The following NAA30 variants were observed in gnomAD, a reference collection of about 807,000 sequenced individuals.
The protein encoded by NAA30 is N-alpha-acetyltransferase 30.
Under a neutral mutation model 31.4 loss-of-function variants are expected in NAA30, and 5 were observed. The ratio of observed to expected loss-of-function variants is 0.16; its 90% CI spans 0.08 to 0.33. The LOEUF (loss-of-function observed/expected upper bound fraction) is 0.33. Among genes scored for constraint, NAA30 ranks in the 10% least tolerant of loss-of-function variants. The probability of loss-of-function intolerance (pLI) is 1.00; values close to 1 mark genes in which losing one functional copy is unlikely to be tolerated. For synonymous variants in NAA30, 222 were observed against 207.1 expected, an observed-to-expected ratio of 1.07 and a Z score of -0.62; for missense variants, 428 against 490.8, an observed-to-expected ratio of 0.87 and a Z score of 1.21.
rs1464830557 is a variant in NAA30 at position 57,412,990 on chromosome 14, T to C, written c.*3474T>C. ...ACTCAGTCAACTCATATGTCAGTTA[T>C]CGGTACATTTTCCATGTGTTCAGTC... On this transcript the variant is annotated 3_prime_UTR_variant, in exon 5 of 5. Coordinates refer to ENST00000556492, the MANE Select transcript of NAA30 (RefSeq NM_001011713.3). 2 of 152,240 alleles carry C rather than the reference T, an allele frequency of 1.3e-5. No homozygotes were observed. The highest frequency in any genetic ancestry group is 2.1e-4 in the South Asian group (1 of 4,836). 9.4% of individuals were successfully genotyped at this position (152,240 alleles called of 1,614,324 possible).
rs964931379 is a variant in NAA30, at chr14:57,410,917, CTGT to C, written c.*1409_*1411del. 5 of 152,462 alleles carry C rather than the reference CTGT, an allele frequency of 3.3e-5. No homozygotes were observed. The highest frequency in any genetic ancestry group is 7.4e-5 in the Non-Finnish European group (5 of 67,970). 9.4% of individuals were successfully genotyped at this position (152,462 alleles called of 1,614,324 possible). On this transcript the variant is annotated 3_prime_UTR_variant, in exon 5 of 5. Transcript: ENST00000556492. The stretch of plus-strand genomic sequence containing the variant: ...CATTCTCTGTGAAAACTGTAGGAAT[CTGT>C]TGTTGTTTTCATTTGAATATGCTCT...
rs1028471230 is a variant in NAA30, at chr14:57,414,656, T to G, written c.*5140T>G. The G allele has an allele frequency of 6.6e-6, 1 of 152,264 alleles. No homozygotes were observed. Among genetic ancestry groups the G allele is most frequent in the African/African-American group, 2.4e-5 (1 of 41,472 alleles). The allele number at this position is 152,264 out of a possible 1,614,324, so 9.4% of individuals were successfully genotyped here. On this transcript the variant is annotated 3_prime_UTR_variant, in exon 5 of 5. Transcript: ENST00000556492. ...TGAGGCCAAAGGCCAATGTTACTTC[T>G]AGAAGAACCAGATTAATTTTTCTGC... is the stretch of plus-strand genomic sequence containing the variant.
Position 57,409,493 on chromosome 14 carries a change from C to A in NAA30, c.1066C>A (p.Arg356=). ...RYYLNGVDAL[R]LKLWLR is the part of the protein sequence containing the mutation. ...CTATTTAAATGGAGTTGATGCACTGCGACTTAAACTGTGGCTGCGTTGAGA... is the reference window on the plus strand; with the variant it reads ...CTATTTAAATGGAGTTGATGCACTGAGACTTAAACTGTGGCTGCGTTGAGA... The change falls in exon 5 of 5, where the codon CGA becomes AGA. Residue 356 remains arginine (R), a synonymous_variant. Coordinates refer to ENST00000556492, the MANE Select transcript of NAA30 (RefSeq NM_001011713.3). The A allele has an allele frequency of 3.1e-6, 5 of 1,602,328 alleles. No homozygotes were observed. Among genetic ancestry groups the A allele is most frequent in the Non-Finnish European group, 3.4e-6 (4 of 1,175,950 alleles).
chr14:57,402,664 AC>A (rs1383230027), intron 4 of NAA30, among the ~76,000 whole-genome samples: 1 of 152,244 alleles, frequency 6.6e-6, no homozygotes, highest in Non-Finnish European at 1.5e-5. Flanking sequence ...CTCCAAAAAT[AC>A]AGCGATTAAT....
At chr14:57,398,837 A>C (rs145663190) in intron 3 of NAA30, among the ~76,000 whole-genome samples, 152 of 152,176 alleles carry the variant, frequency 1.0e-3, no homozygotes, top group African/African-American at 3.3e-3. Context: ...GGGTTTCGTC[A>C]TGTTGGCCAG....
At chr14:57,394,684 G>T (rs1303281758) in intron 2 of NAA30, among the ~76,000 whole-genome samples, 4 of 152,154 alleles carry the variant, frequency 2.6e-5, no homozygotes, top group African/African-American at 9.6e-5. Flanking sequence ...GAAGAAATCA[G>T]GTCTTAAGAA....
In NAA30 at chr14:57,413,479, C is replaced by G. The variant is rs1464097923; in HGVS notation, c.*3963C>G. On this transcript the variant is annotated 3_prime_UTR_variant, in exon 5 of 5. Transcript: ENST00000556492. ...CCAGTAAACACAGATCAGTATTAAC[C>G]TGTAGCCCAGAGGTGTTAGATTTAT... 6.6e-6 allele frequency: 1 copy of G among 152,166 alleles called. No individual in the cohort carries two copies. The highest frequency in any genetic ancestry group is 2.4e-5 in the African/African-American group (1 of 41,438). The allele number at this position is 152,166 out of a possible 1,614,324, so 9.4% of individuals were successfully genotyped here.
At chr14:57,398,800 C>A (rs769021833) in intron 3 of NAA30, among the ~76,000 whole-genome samples, 2 of 152,018 alleles carry the variant, frequency 1.3e-5, no homozygotes, top group Non-Finnish European at 2.9e-5. Context: ...TAATGCCTGG[C>A]TAATTTTTTA....
intron 4 of NAA30, among the ~76,000 whole-genome samples, chr14:57,406,201 A>G (rs1161568068): frequency 6.6e-6 from 1 of 152,170 alleles, no homozygotes; most frequent in Non-Finnish European, 1.5e-5. Flanking sequence ...ACTTTTTTCT[A>G]TGTAATTGAG....
chr14:57,398,529 C>T (rs1379720037), intron 3 of NAA30, among the ~76,000 whole-genome samples: 1 of 152,160 alleles, frequency 6.6e-6, no homozygotes, highest in Non-Finnish European at 1.5e-5. Flanking sequence ...GTGATCCCGG[C>T]TCACTGCAAC....
intron 3 of NAA30, among the ~76,000 whole-genome samples, chr14:57,397,198 C>T (rs2066454388): frequency 1.3e-5 from 2 of 152,192 alleles, no homozygotes; most frequent in Admixed American, 6.5e-5. Context: ...TTTATAATTA[C>T]ATTATGATGG....
At position 57,390,916 on chromosome 14, in the gene NAA30, C is replaced by A. The variant is rs201763961; in HGVS notation, c.-1-41C>A. Reference sequence around the variant, plus strand: ...CCCCCTGTTCTCCGCGCTCCTCGGCCGGGTTTCATGGCCTCCCCTCTCGGT... The same window carrying A: ...CCCCCTGTTCTCCGCGCTCCTCGGCAGGGTTTCATGGCCTCCCCTCTCGGT... On this transcript the variant is annotated intron_variant, in intron 1 of 4. Transcript: ENST00000556492. The A allele has an allele frequency of 2.8e-6, 4 of 1,452,890 alleles. No individual in the cohort carries two copies. The East Asian group carries it at 1.0e-4, about 38-fold the overall frequency. 90.0% of individuals were successfully genotyped at this position (1,452,890 alleles called of 1,614,324 possible).
chr14:57,393,480 T>C (rs2066438336), intron 2 of NAA30, among the ~76,000 whole-genome samples: 1 of 152,200 alleles, frequency 6.6e-6, no homozygotes, highest in Admixed American at 6.5e-5. Flanking sequence ...AACCAGGCCA[T>C]TTAAAACTGA....
At chr14:57,392,905 C>T (rs1032818541) in intron 2 of NAA30, among the ~76,000 whole-genome samples, 1 of 152,190 alleles carries the variant, frequency 6.6e-6, no homozygotes, top group Non-Finnish European at 1.5e-5. Flanking sequence ...CTTGCTTAAA[C>T]TTCAATTCAG....
At chr14:57,404,514 A>G (rs1420477148) in intron 4 of NAA30, among the ~76,000 whole-genome samples, 2 of 152,216 alleles carry the variant, frequency 1.3e-5, no homozygotes, top group Non-Finnish European at 2.9e-5. Flanking sequence ...GAAAAACCGT[A>G]ATGAACATTA....
In NAA30 at chr14:57,411,696, A is replaced by T. The variant is rs1019247307; in HGVS notation, c.*2180A>T. 12 of 152,278 alleles carry T rather than the reference A, an allele frequency of 7.9e-5. No homozygotes were observed. Among genetic ancestry groups the T allele is most frequent in the East Asian group, 1.9e-4 (1 of 5,188 alleles). The allele number at this position is 152,278 out of a possible 1,614,324, so 9.4% of individuals were successfully genotyped here. A position where few individuals can be genotyped will look rare whatever the true frequency, so the allele number is the denominator to read the frequency against. On this transcript the variant is annotated 3_prime_UTR_variant, in exon 5 of 5. Transcript: ENST00000556492. ...GTCAGATGGTTGCCATATTGTTTGGAATATGTTGAATGTCAGTGTATGCCT... is the reference window on the plus strand; with the variant it reads ...GTCAGATGGTTGCCATATTGTTTGGTATATGTTGAATGTCAGTGTATGCCT...
intron 4 of NAA30, among the ~76,000 whole-genome samples, chr14:57,401,722 G>GT (rs1479269957): frequency 2.0e-5 from 3 of 152,168 alleles, no homozygotes; most frequent in African/African-American, 7.2e-5. Context: ...GCTATCCTAA[G>GT]TTACTACTTG....
chr14:57,415,876 C>T lies in NAA30; in HGVS notation c.*6360C>T, dbSNP rs1334701683. ...GTTATACTTGATTTCTTTGTGAATG[C>T]AAATAAAATAAAATTTGTAAGTCCA... On this transcript the variant is annotated 3_prime_UTR_variant, in exon 5 of 5. Coordinates refer to ENST00000556492, the MANE Select transcript of NAA30 (RefSeq NM_001011713.3). The T allele has an allele frequency of 6.6e-6, 1 of 151,858 alleles. No homozygotes were observed. Among genetic ancestry groups the T allele is most frequent in the African/African-American group, 2.4e-5 (1 of 41,330 alleles). The allele number at this position is 151,858 out of a possible 1,614,324, so 9.4% of individuals were successfully genotyped here.
chr14:57,403,864 G>T (rs532192760), intron 4 of NAA30, among the ~76,000 whole-genome samples: 7 of 152,288 alleles, frequency 4.6e-5, no homozygotes, highest in African/African-American at 1.7e-4. Flanking sequence ...TTACATTTAT[G>T]TACTTTTTTT....
Sources: gnomAD v4.1 joint callset for allele counts (sites outside exome capture counted in the v4.1 genomes callset) on GRCh38, gnomAD v4.1.1 for gene constraint, MANE v1.5 for transcripts, NCBI Gene and HGNC (gene_info 2026-07-23, HGNC 2026-07-21) for gene names.